SPIDR: variants seen among roughly 807,000 people sequenced by gnomAD.
The protein encoded by SPIDR is scaffold protein involved in DNA repair, also known as DNA repair-scaffolding protein.
In SPIDR, 93 loss-of-function variants were observed where a neutral mutation model predicts 104.6. That is an observed-to-expected ratio of 0.89 (90% CI 0.75 to 1.06). The LOEUF (loss-of-function observed/expected upper bound fraction) is 1.06. Among genes scored for constraint, SPIDR ranks in the 50% least tolerant of loss-of-function variants. The probability of loss-of-function intolerance (pLI) is 0.00; values close to 1 mark genes in which losing one functional copy is unlikely to be tolerated. For synonymous variants in SPIDR, 431 were observed against 416.9 expected, an observed-to-expected ratio of 1.03 and a Z score of -0.41; for missense variants, 1,154 against 1,111.2, an observed-to-expected ratio of 1.04 and a Z score of -0.55.
intron 5 of SPIDR, among the ~76,000 whole-genome samples, chr8:47,307,320 A>G (rs587631598): frequency 6.6e-6 from 1 of 151,106 alleles, no homozygotes; most frequent in Non-Finnish European, 1.5e-5. Flanking sequence ...TCCTGGGTTC[A>G]AGCAGTTATC....
At chr8:47,632,798 A>G (rs2067274511) in intron 10 of SPIDR, among the ~76,000 whole-genome samples, 1 of 152,186 alleles carries the variant, frequency 6.6e-6, no homozygotes, top group Admixed American at 6.5e-5. Flanking sequence ...ATCTCCGAGC[A>G]GTAGCTGGCC....
At chr8:47,382,210 C>T (rs1219654509) in intron 5 of SPIDR, among the ~76,000 whole-genome samples, 1 of 152,122 alleles carries the variant, frequency 6.6e-6, no homozygotes, top group Non-Finnish European at 1.5e-5. Flanking sequence ...GACTGTCATA[C>T]ATGGACTTAG....
At chr8:47,349,684 A>T (rs1234807355) in intron 5 of SPIDR, among the ~76,000 whole-genome samples, 1 of 151,630 alleles carries the variant, frequency 6.6e-6, no homozygotes, top group Non-Finnish European at 1.5e-5. Context: ...TGGCAGTCGC[A>T]CCTCCCCCAG....
intron 10 of SPIDR, among the ~76,000 whole-genome samples, chr8:47,606,234 T>C (rs1345895723): frequency 3.3e-5 from 5 of 151,994 alleles, no homozygotes; most frequent in Non-Finnish European, 4.4e-5. Flanking sequence ...TAAACAAAGA[T>C]CCCGGCTGGG....
chr8:47,453,331 A>G (rs974246136), intron 8 of SPIDR, among the ~76,000 whole-genome samples: 2 of 152,342 alleles, frequency 1.3e-5, no homozygotes, highest in South Asian at 2.1e-4. Flanking sequence ...TCATCGAGCT[A>G]TGAATGACTT....
rs193168866 is a variant in SPIDR at position 47,322,945 on chromosome 8, G to A, written c.525+28915G>A. Reference sequence around the variant, plus strand: ...ATACGCCGGGGCCTGTTGTCGGGTGGGGGCAGGGTGGAGGGATAGCATTAG... The same window carrying A: ...ATACGCCGGGGCCTGTTGTCGGGTGAGGGCAGGGTGGAGGGATAGCATTAG... On this transcript the variant is annotated intron_variant, in intron 5 of 19. Transcript: ENST00000297423. Among the ~76,000 whole-genome samples, 118 of 152,180 alleles carry A rather than the reference G, an allele frequency of 7.8e-4. 2 individuals carry two copies. Among genetic ancestry groups the A allele is most frequent in the Middle Eastern group, 3.4e-3 (1 of 294 alleles).
intron 8 of SPIDR, among the ~76,000 whole-genome samples, chr8:47,569,308 A>G (rs1245955458): frequency 1.3e-5 from 2 of 152,220 alleles, no homozygotes; most frequent in African/African-American, 4.8e-5. Context: ...AGACAGTTCT[A>G]AAATAATAAT....
chr8:47,522,261 T>C (rs548150459), intron 8 of SPIDR, among the ~76,000 whole-genome samples: 2 of 152,216 alleles, frequency 1.3e-5, no homozygotes, highest in Admixed American at 1.3e-4. Context: ...CCTCTCCTCC[T>C]GTGCGCCACT....
intron 8 of SPIDR, among the ~76,000 whole-genome samples, chr8:47,592,929 C>G (rs546598673): frequency 5.9e-5 from 9 of 151,862 alleles, no homozygotes; most frequent in African/African-American, 2.2e-4. Context: ...TTTTGTTGCC[C>G]GGGTTGGAGT....
intron 7 of SPIDR, among the ~76,000 whole-genome samples, chr8:47,435,402 G>A (rs1472449593): frequency 6.6e-6 from 1 of 152,086 alleles, no homozygotes; most frequent in Non-Finnish European, 1.5e-5. Context: ...GCAGTTAGCT[G>A]ATTAAATAAC....
intron 8 of SPIDR, among the ~76,000 whole-genome samples, chr8:47,524,768 G>A (rs183826313): frequency 6.6e-6 from 1 of 152,186 alleles, no homozygotes; most frequent in Non-Finnish European, 1.5e-5. Flanking sequence ...GAAGGGAATT[G>A]GGAGAACTAA....
chr8:47,367,920 T>G (rs979230752), intron 5 of SPIDR, among the ~76,000 whole-genome samples: 14 of 152,164 alleles, frequency 9.2e-5, no homozygotes, highest in Middle Eastern at 3.2e-3. Context: ...AATTAGAAAT[T>G]GTAGGACGAT....
intron 19 of SPIDR, among the ~76,000 whole-genome samples, chr8:47,731,716 C>CT (rs2085273860): frequency 6.6e-6 from 1 of 152,224 alleles, no homozygotes; most frequent in African/African-American, 2.4e-5. Flanking sequence ...ACAGCAGTGC[C>CT]TGTCAGCCAA....
At chr8:47,470,351 C>T (rs11775628) in intron 8 of SPIDR, among the ~76,000 whole-genome samples, 79,731 of 151,952 alleles carry the variant, frequency 0.52, 24,649 homozygotes, top group East Asian at 0.73. Flanking sequence ...TGCAGCGACA[C>T]GATCTCGGCT....
At chr8:47,298,197 T>C (rs1283491505) in intron 5 of SPIDR, among the ~76,000 whole-genome samples, 2 of 152,346 alleles carry the variant, frequency 1.3e-5, no homozygotes, top group East Asian at 3.9e-4. Flanking sequence ...TTTGCATTTC[T>C]CTGATGGCCA....
At position 47,464,739 on chromosome 8, in the gene SPIDR, A is replaced by T. The variant is rs1483896729; in HGVS notation, c.1097+24197A>T. ...TCCCATCCCGTCCTTGCCTCGCCTC[A>T]CCTTGCCTCATTTTTCTTTTGTTTT... On this transcript the variant is annotated intron_variant, in intron 8 of 19. Coordinates refer to ENST00000297423, the MANE Select transcript of SPIDR (RefSeq NM_001080394.4). Among the ~76,000 whole-genome samples, 3 of 149,080 alleles carry T rather than the reference A, an allele frequency of 2.0e-5. No individual in the cohort carries two copies. The East Asian group carries it at 5.9e-4, about 29-fold the overall frequency.
rs184863788 is a variant in SPIDR at position 47,492,093 on chromosome 8, C to G, written c.1097+51551C>G. On this transcript the variant is annotated intron_variant, in intron 8 of 19. Transcript: ENST00000297423. ...AAAGAGAAGCCTGCATAACTAGACC[C>G]CTGTGCATCAGATTCACCCCTTCCC... 2.7e-3 allele frequency among the ~76,000 whole-genome samples: 403 copies of G among 151,892 alleles called. 5 individuals carry two copies. Among genetic ancestry groups the G allele is most frequent in the South Asian group, 0.016 (79 of 4,806 alleles).
chr8:47,344,403 A>G (rs1374033966), intron 5 of SPIDR, among the ~76,000 whole-genome samples: 1 of 152,132 alleles, frequency 6.6e-6, no homozygotes, highest in African/African-American at 2.4e-5. Flanking sequence ...AGTCTTTGCT[A>G]TTGTGAATAG....
chr8:47,587,609 C>CAAAAAA (rs36084278), intron 8 of SPIDR, among the ~76,000 whole-genome samples: 1 of 58,826 alleles, frequency 1.7e-5, no homozygotes. Flanking sequence ...GACCCTGCCT[C>CAAAAAA]AAAAAAAAAA....
Sources: gnomAD v4.1 joint callset for allele counts (sites outside exome capture counted in the v4.1 genomes callset) on GRCh38, gnomAD v4.1.1 for gene constraint, MANE v1.5 for transcripts, NCBI Gene and HGNC (gene_info 2026-07-23, HGNC 2026-07-21) for gene names.